LHFPL3: variants seen among roughly 807,000 people sequenced by gnomAD.
LHFPL3 encodes LHFPL tetraspan subfamily member 3.
LHFPL3 carries 5 observed loss-of-function variants against 19.3 expected under a neutral mutation model. The observed-to-expected ratio is 0.26, with a 90% CI of 0.14 to 0.54. The LOEUF is 0.54. Ranked by LOEUF, LHFPL3 falls within the 20% of genes least tolerant of loss-of-function variation. The pLI, the probability that LHFPL3 is intolerant of heterozygous loss-of-function variation, is 0.94. For missense variants in LHFPL3, 249 were observed against 307.4 expected (o/e 0.81, Z 1.42); for synonymous variants, 133 against 126.2 (o/e 1.05, Z -0.36).
chr7:104,365,843 G>C (rs183988895), intron 1 of LHFPL3, among the ~76,000 whole-genome samples: 1 of 151,152 alleles, frequency 6.6e-6, no homozygotes, highest in East Asian at 1.9e-4. Context: ...TTCCTAGAAT[G>C]TGTGGGCGGG....
intron 1 of LHFPL3, among the ~76,000 whole-genome samples, chr7:104,645,646 T>C (rs1021909129): frequency 1.5e-5 from 2 of 135,352 alleles, no homozygotes; most frequent in Non-Finnish European, 3.1e-5. Context: ...TTTGCTCTAT[T>C]GGGTTTTCTT....
At chr7:104,608,039 C>T (rs1791138208) in intron 1 of LHFPL3, among the ~76,000 whole-genome samples, 1 of 152,204 alleles carries the variant, frequency 6.6e-6, no homozygotes, top group African/African-American at 2.4e-5. Flanking sequence ...CACTTTTACA[C>T]TGTTGGTGGG....
intron 1 of LHFPL3, among the ~76,000 whole-genome samples, chr7:104,456,943 C>T (rs971017567): frequency 6.6e-6 from 1 of 152,042 alleles, no homozygotes; most frequent in African/African-American, 2.4e-5. Context: ...TAGTTGACTG[C>T]AGGTAACTGA....
rs184233670 is a variant in LHFPL3 at position 104,450,802 on chromosome 7, A to G, written c.445+121578A>G. On this transcript the variant is annotated intron_variant, in intron 1 of 2. Transcript: ENST00000424859. ...TATCTAATGTGATCTTTAAAATAAA[A>G]ATGGAAAAGAAAAAAAAAGGAAAAC... 1.9e-3 allele frequency among the ~76,000 whole-genome samples: 294 copies of G among 152,312 alleles called. 2 individuals are homozygous for G. The highest frequency in any genetic ancestry group is 6.8e-3 in the African/African-American group (283 of 41,556).
intron 1 of LHFPL3, among the ~76,000 whole-genome samples, chr7:104,568,109 A>C (rs2115978089): frequency 6.6e-6 from 1 of 152,296 alleles, no homozygotes; most frequent in South Asian, 2.1e-4. Flanking sequence ...CTCTTAAGGA[A>C]TCCTGGAGAT....
At chr7:104,690,171 G>A (rs1485729073) in intron 1 of LHFPL3, among the ~76,000 whole-genome samples, 2 of 152,252 alleles carry the variant, frequency 1.3e-5, no homozygotes, top group African/African-American at 2.4e-5. Flanking sequence ...CTTGGAGAAC[G>A]ACAGTGGGTT....
intron 2 of LHFPL3, among the ~76,000 whole-genome samples, chr7:104,752,376 C>T (rs991906655): frequency 6.6e-6 from 1 of 150,736 alleles, no homozygotes; most frequent in Non-Finnish European, 1.5e-5. Flanking sequence ...GAAACTGAAA[C>T]GCTATCTTCT....
intron 2 of LHFPL3, among the ~76,000 whole-genome samples, chr7:104,873,758 T>A (rs1048475987): frequency 2.0e-5 from 3 of 152,244 alleles, no homozygotes; most frequent in Non-Finnish European, 4.4e-5. Flanking sequence ...CAATGGGATT[T>A]TGGGTACTAA....
chr7:104,684,488 C>A (rs1792769846), intron 1 of LHFPL3, among the ~76,000 whole-genome samples: 1 of 152,230 alleles, frequency 6.6e-6, no homozygotes, highest in African/African-American at 2.4e-5. Context: ...AATAAAACTT[C>A]ATTTGTGAAC....
chr7:104,425,343 T>C (rs764396000), intron 1 of LHFPL3, among the ~76,000 whole-genome samples: 2 of 149,738 alleles, frequency 1.3e-5, no homozygotes, highest in Non-Finnish European at 2.9e-5. Context: ...CGTAGTTTTG[T>C]GACCTTTGTT....
intron 1 of LHFPL3, among the ~76,000 whole-genome samples, chr7:104,583,261 T>C (rs1273859107): frequency 6.6e-6 from 1 of 152,114 alleles, no homozygotes; most frequent in Non-Finnish European, 1.5e-5. Context: ...TAGCCACATG[T>C]AGAAAGCTGA....
At chr7:104,586,628 A>T (rs774278957) in intron 1 of LHFPL3, among the ~76,000 whole-genome samples, 2 of 152,154 alleles carry the variant, frequency 1.3e-5, no homozygotes, top group Non-Finnish European at 1.5e-5. Context: ...TTGACTTTAT[A>T]TATTTTTTAA....
chr7:104,387,363 G>A (rs538486848), intron 1 of LHFPL3, among the ~76,000 whole-genome samples: 44 of 151,486 alleles, frequency 2.9e-4, no homozygotes, highest in South Asian at 6.3e-4. Flanking sequence ...AATGAAACTT[G>A]GTCTCAAAAT....
At chr7:104,730,462 T>C (rs535001118) in intron 1 of LHFPL3, among the ~76,000 whole-genome samples, 3 of 152,352 alleles carry the variant, frequency 2.0e-5, no homozygotes, top group South Asian at 2.1e-4. Flanking sequence ...TGATACCTCA[T>C]TGTGGTTTTG....
At chr7:104,568,287 T>A (rs539570927) in intron 1 of LHFPL3, among the ~76,000 whole-genome samples, 193 of 152,244 alleles carry the variant, frequency 1.3e-3, no homozygotes, top group Non-Finnish European at 2.5e-3. Flanking sequence ...CTTCTAATGC[T>A]ATGTGGCACT....
intron 1 of LHFPL3, among the ~76,000 whole-genome samples, chr7:104,601,591 C>T (rs1402030087): frequency 6.6e-6 from 1 of 152,074 alleles, no homozygotes; most frequent in South Asian, 2.1e-4. Flanking sequence ...AGCATTTGGG[C>T]CAAAATGTGA....
intron 1 of LHFPL3, among the ~76,000 whole-genome samples, chr7:104,435,298 A>G (rs986135381): frequency 6.6e-6 from 1 of 151,972 alleles, no homozygotes; most frequent in African/African-American, 2.4e-5. Flanking sequence ...ATGTGCCACT[A>G]TGCCTGGCTA....
chr7:104,849,794 G>C (rs1364564159), intron 2 of LHFPL3, among the ~76,000 whole-genome samples: 1 of 152,222 alleles, frequency 6.6e-6, no homozygotes, highest in Non-Finnish European at 1.5e-5. Context: ...TCTGGATGTG[G>C]GGCAGGACTC....
chr7:104,812,330 A>G (rs918499266), intron 2 of LHFPL3, among the ~76,000 whole-genome samples: 3 of 152,230 alleles, frequency 2.0e-5, no homozygotes, highest in Non-Finnish European at 4.4e-5. Context: ...TAAATTGTGG[A>G]ATAGTCATGC....
Sources: gnomAD v4.1 joint callset for allele counts (sites outside exome capture counted in the v4.1 genomes callset) on GRCh38, gnomAD v4.1.1 for gene constraint, MANE v1.5 for transcripts, NCBI Gene and HGNC (gene_info 2026-07-23, HGNC 2026-07-21) for gene names.